CHN2: variants seen among roughly 807,000 people sequenced by gnomAD.
The protein encoded by CHN2 is chimerin 2.
CHN2 carries 35 observed loss-of-function variants against 56.3 expected under a neutral mutation model. The observed-to-expected ratio is 0.62, with a 90% confidence interval of 0.47 to 0.82. CHN2 has a LOEUF of 0.82. CHN2 is among the 40% of genes least tolerant of loss of function. The probability of loss-of-function intolerance (pLI) is 0.00; values close to 1 mark genes in which losing one functional copy is unlikely to be tolerated. For missense variants in CHN2, 491 were observed against 580.5 expected (o/e 0.85, Z 1.58); for synonymous variants, 210 against 212.8 (o/e 0.99, Z 0.12).
intron 3 of CHN2, among the ~76,000 whole-genome samples, chr7:29,387,768 T>C (rs1462220675): frequency 6.6e-6 from 1 of 152,238 alleles, no homozygotes; most frequent in Non-Finnish European, 1.5e-5. Context: ...CCTTCAGTAT[T>C]TGTTTAGGCC....
At chr7:29,348,802 T>G (rs1033578275) in intron 1 of CHN2, among the ~76,000 whole-genome samples, 5 of 152,316 alleles carry the variant, frequency 3.3e-5, no homozygotes, top group African/African-American at 1.2e-4. Flanking sequence ...TCTCATTATT[T>G]TTAATTTTTA....
Position 29,293,230 on chromosome 7 carries a change from C to T in CHN2, c.50-61395C>T, listed in dbSNP as rs554808581. Among the ~76,000 whole-genome samples the T allele has an allele frequency of 1.1e-4, 16 of 152,264 alleles. No individual in the cohort carries two copies. In the South Asian group the frequency reaches 3.1e-3, roughly 30 times the overall value. ...ACTGGTCCATTAAATCCTTTTCCCT[C>T]CCACCTTGTCCCCTTGGCCCTGCTG... On this transcript the variant is annotated intron_variant, in intron 1 of 12. Transcript: ENST00000222792.
At chr7:29,206,879 G>A (rs1166680423) in intron 1 of CHN2, among the ~76,000 whole-genome samples, 1 of 152,174 alleles carries the variant, frequency 6.6e-6, no homozygotes, top group Non-Finnish European at 1.5e-5. Flanking sequence ...CACGCATATG[G>A]AACACTCAAG....
intron 1 of CHN2, among the ~76,000 whole-genome samples, chr7:29,286,443 G>C (rs529025639): frequency 4.6e-4 from 70 of 152,140 alleles, no homozygotes; most frequent in Middle Eastern, 3.4e-3. Flanking sequence ...TCTGCATGTG[G>C]GGATGGGGTG....
At chr7:29,429,548 C>T (rs1422487591) in intron 6 of CHN2, among the ~76,000 whole-genome samples, 1 of 150,546 alleles carries the variant, frequency 6.6e-6, no homozygotes, top group Non-Finnish European at 1.5e-5. Flanking sequence ...CCATCTTACA[C>T]TTTTTGGAAC....
intron 1 of CHN2, among the ~76,000 whole-genome samples, chr7:29,325,427 G>T (rs2128897989): frequency 6.6e-6 from 1 of 152,266 alleles, no homozygotes; most frequent in South Asian, 2.1e-4. Flanking sequence ...GAAAGCCAAT[G>T]GCAGCTGGAA....
At chr7:29,372,009 G>T (rs1799656177) in intron 3 of CHN2, among the ~76,000 whole-genome samples, 1 of 151,788 alleles carries the variant, frequency 6.6e-6, no homozygotes, top group Admixed American at 6.6e-5. Context: ...ACACACTCCA[G>T]TCACCAGACA....
At chr7:29,177,588 CCT>C (rs111236411) in intron 2 of CHN2, among the ~76,000 whole-genome samples, 4,862 of 150,732 alleles carry the variant, frequency 0.032, 272 homozygotes, top group African/African-American at 0.11. Flanking sequence ...ACTGGCTTTT[CCT>C]CTGTCCCCTC....
rs533989656 is a variant in CHN2, at chr7:29,212,444, G to A, written c.49+17454G>A. The A allele has an allele frequency of 2.9e-5, 46 of 1,606,088 alleles. No homozygotes were observed. In the African/African-American group the frequency reaches 4.1e-4, roughly 14 times the overall value. ...TGTCTTCTGCTGAGATGCCTCACAC[G>A]GAGACTGTCTCTCCTCTTCTTCCTC... On this transcript the variant is annotated intron_variant, in intron 1 of 12. Coordinates refer to ENST00000222792, the MANE Select transcript of CHN2 (RefSeq NM_004067.4).
intron 2 of CHN2, among the ~76,000 whole-genome samples, chr7:29,187,345 CTGTG>C (rs35253523): frequency 1.0e-3 from 156 of 149,234 alleles, no homozygotes; most frequent in African/African-American, 3.1e-3. Flanking sequence ...GTTTGTGTGT[CTGTG>C]TGTGTGTGTG....
intron 1 of CHN2, among the ~76,000 whole-genome samples, chr7:29,305,568 T>A (rs1794071968): frequency 6.6e-6 from 1 of 152,188 alleles, no homozygotes; most frequent in African/African-American, 2.4e-5. Flanking sequence ...GTTGGGTCAA[T>A]AGCTGGATAA....
chr7:29,449,769 TG>T (rs1177303034), intron 6 of CHN2, among the ~76,000 whole-genome samples: 1 of 152,232 alleles, frequency 6.6e-6, no homozygotes, highest in East Asian at 1.9e-4. Flanking sequence ...GTAAAGGCCC[TG>T]CTACAGAAGG....
chr7:29,225,766 C>G (rs1463023506), intron 1 of CHN2, among the ~76,000 whole-genome samples: 1 of 152,180 alleles, frequency 6.6e-6, no homozygotes. Flanking sequence ...GGAATCACCA[C>G]TAATCACACT....
At chr7:29,323,215 C>T (rs1237960007) in intron 1 of CHN2, among the ~76,000 whole-genome samples, 3 of 146,048 alleles carry the variant, frequency 2.1e-5, no homozygotes, top group African/African-American at 7.5e-5. Context: ...TTCTCTTTCT[C>T]TGCAGCCTTG....
chr7:29,293,005 C>G (rs571807903), intron 1 of CHN2: 1 of 456,328 alleles, frequency 2.2e-6, no homozygotes, highest in African/African-American at 2.0e-5. Context: ...GCACTCAGAG[C>G]CAGCCTCTGC....
At chr7:29,293,432 G>A (rs767077456) in intron 1 of CHN2, among the ~76,000 whole-genome samples, 2 of 134,030 alleles carry the variant, frequency 1.5e-5, no homozygotes, top group South Asian at 2.3e-4. Context: ...TTTCAGCCAC[G>A]CTTGCGAATG....
chr7:29,376,590 C>T (rs984153018), intron 3 of CHN2: 4 of 152,256 alleles, frequency 2.6e-5, no homozygotes, highest in Non-Finnish European at 5.9e-5. Flanking sequence ...AACTACTGTT[C>T]TAAGGACTGT....
At chr7:29,389,291 T>C (rs1476135377) in intron 3 of CHN2, among the ~76,000 whole-genome samples, 5 of 152,242 alleles carry the variant, frequency 3.3e-5, no homozygotes, top group African/African-American at 1.2e-4. Flanking sequence ...ACTCACCCCG[T>C]TTACTTACTG....
chr7:29,412,621 G>A (rs1987545), intron 6 of CHN2, among the ~76,000 whole-genome samples: 17,202 of 152,108 alleles, frequency 0.11, 1,057 homozygotes, highest in South Asian at 0.15. Context: ...GAGCCACCGC[G>A]CCAGGACACT....
Sources: gnomAD v4.1 joint callset for allele counts (sites outside exome capture counted in the v4.1 genomes callset) on GRCh38, gnomAD v4.1.1 for gene constraint, MANE v1.5 for transcripts, NCBI Gene and HGNC (gene_info 2026-07-23, HGNC 2026-07-21) for gene names.